AOX1: variants seen among roughly 807,000 people sequenced by gnomAD.
AOX1 encodes the protein aldehyde oxidase.
AOX1 carries 153 observed loss-of-function variants against 169.5 expected under a neutral mutation model. The observed-to-expected ratio is 0.90, with a 90% confidence interval of 0.79 to 1.03. AOX1 has a LOEUF of 1.03. AOX1 is among the 50% of genes least tolerant of loss of function. The pLI, the probability that AOX1 is intolerant of heterozygous loss-of-function variation, is 0.00. For missense variants in AOX1, 1,656 were observed against 1,663.9 expected, an observed-to-expected ratio of 1.00 and a Z score of 0.08; for synonymous variants, 562 against 581.9, an observed-to-expected ratio of 0.97 and a Z score of 0.49.
chr2:200,676,892 G>T, exon 5 of AOX1: 1 of 470,794 alleles, frequency 2.1e-6, no homozygotes, highest in South Asian at 1.5e-5. Context: ...CACATGGCAA[G>T]CCTGTCAGGC....
chr2:200,637,190 T>A (rs2035252837), intron 22 of AOX1, 146 bp downstream of exon 22: 1 of 997,352 alleles, frequency 1.0e-6, no homozygotes, highest in African/African-American at 1.6e-5. Context: ...CTTATTACAC[T>A]TACTTGTCTT....
At chr2:200,637,794 G>T (rs1367433593) in intron 22 of AOX1, among the ~76,000 whole-genome samples, 1 of 151,992 alleles carries the variant, frequency 6.6e-6, no homozygotes, top group Non-Finnish European at 1.5e-5. Flanking sequence ...GAGTAATATG[G>T]GTCAGTTCCT....
chr2:200,638,756 G>A (rs1559249909), intron 23 of AOX1, among the ~76,000 whole-genome samples: 1 of 152,054 alleles, frequency 6.6e-6, no homozygotes, highest in Non-Finnish European at 1.5e-5. Context: ...GAAATTCATA[G>A]AAAAAAATTT....
At chr2:200,668,428 C>G (rs963008404) in intron 32 of AOX1, among the ~76,000 whole-genome samples, 187 bp from the exon 33 acceptor site, 1 of 152,058 alleles carries the variant, frequency 6.6e-6, no homozygotes, top group Admixed American at 6.6e-5. Context: ...CTTCTTTTAA[C>G]TTAATGCTGA....
At chr2:200,682,203 T>A in the AOX1 span, among the ~76,000 whole-genome samples, 1 of 152,348 alleles carries the variant, frequency 6.6e-6, no homozygotes, top group South Asian at 2.1e-4. Context: ...AAACACTGCC[T>A]GCTGTTTTTA....
At position 200,598,238 on chromosome 2, in the gene AOX1, T is replaced by A. The variant is rs192466639; in HGVS notation, c.309+733T>A. Among the ~76,000 whole-genome samples the A allele has an allele frequency of 2.7e-3, 405 of 152,162 alleles. 2 individuals carry two copies. The highest frequency in any genetic ancestry group is 3.9e-3 in the Non-Finnish European group (263 of 67,986). Reference sequence around the variant, plus strand: ...AGGGATATAATTTTATTTTTTTTTATAAAGTGGAAAACAACATGATCTTAA... The same window carrying A: ...AGGGATATAATTTTATTTTTTTTTAAAAAGTGGAAAACAACATGATCTTAA... On this transcript the variant is annotated intron_variant, in intron 4 of 34. Transcript: ENST00000374700.
At chr2:200,656,968 G>C in intron 27 of AOX1, 31 bp downstream of exon 27, 1 of 1,431,496 alleles carries the variant, frequency 7.0e-7, no homozygotes, top group South Asian at 1.4e-5. Context: ...ATTGAGTTGG[G>C]TGTGTGCTTA....
At chr2:200,618,976 C>A (rs2034825656) in intron 16 of AOX1, among the ~76,000 whole-genome samples, 1 of 152,172 alleles carries the variant, frequency 6.6e-6, no homozygotes, top group Non-Finnish European at 1.5e-5. Context: ...AAACAGGAAA[C>A]CCTGCAGTGA....
At chr2:200,642,474 G>C in intron 24 of AOX1, 136 bp from the exon 25 acceptor site, 1 of 585,726 alleles carries the variant, frequency 1.7e-6, no homozygotes, top group South Asian at 2.6e-5. Flanking sequence ...TGTTTAATTG[G>C]GGGCATGGGA....
At chr2:200,623,101 A>G (rs938040798) in intron 18 of AOX1, among the ~76,000 whole-genome samples, 10 of 152,274 alleles carry the variant, frequency 6.6e-5, no homozygotes, top group African/African-American at 2.4e-4. Context: ...GTCAATTTTT[A>G]AAATGAGTGA....
intron 26 of AOX1, among the ~76,000 whole-genome samples, chr2:200,654,221 A>C (rs1408735893): frequency 1.4e-5 from 2 of 145,128 alleles, no homozygotes; most frequent in African/African-American, 5.6e-5. Flanking sequence ...AAAAAAAAAA[A>C]AAAAAAAAAA....
intron 16 of AOX1, among the ~76,000 whole-genome samples, chr2:200,620,414 G>T (rs1167155447): frequency 2.6e-5 from 4 of 151,640 alleles, no homozygotes; most frequent in African/African-American, 9.7e-5. Context: ...TTACTATGTT[G>T]GCCAGGCTGG....
downstream of AOX1, chr2:200,681,284 A>C (rs189818908): frequency 2.6e-5 from 4 of 152,548 alleles, no homozygotes; most frequent in Non-Finnish European, 5.9e-5. Flanking sequence ...AGTTGTACCA[A>C]TCAGAGGCCT....
At chr2:200,670,299 G>A (rs1048075668) in intron 34 of AOX1, among the ~76,000 whole-genome samples, 9 of 152,152 alleles carry the variant, frequency 5.9e-5, no homozygotes, top group African/African-American at 1.9e-4. Flanking sequence ...TTTGACTGAA[G>A]GGAAAGCCCC....
chr2:200,598,339 G>C (rs1397174439), intron 4 of AOX1, among the ~76,000 whole-genome samples: 1 of 152,136 alleles, frequency 6.6e-6, no homozygotes, highest in Non-Finnish European at 1.5e-5. Context: ...GATAGGAGTT[G>C]TCAATAAGTT....
chr2:200,606,343 A>C (rs551088396), intron 10 of AOX1, among the ~76,000 whole-genome samples: 2 of 152,270 alleles, frequency 1.3e-5, no homozygotes, highest in Admixed American at 6.5e-5. Context: ...ACTGGTCTAT[A>C]TATCTGTTTT....
chr2:200,615,752 G>A (rs2034742112), intron 15 of AOX1, among the ~76,000 whole-genome samples: 1 of 152,160 alleles, frequency 6.6e-6, no homozygotes, highest in African/African-American at 2.4e-5. Flanking sequence ...TATTCATCTG[G>A]CTATTCATAA....
intron 31 of AOX1, among the ~76,000 whole-genome samples, chr2:200,663,832 A>G (rs1041457150): frequency 1.3e-5 from 2 of 152,178 alleles, no homozygotes; most frequent in Non-Finnish European, 2.9e-5. Flanking sequence ...ATATTTACAA[A>G]TATCCTCTAT....
Position 200,599,707 on chromosome 2 carries a change from C to G in AOX1, c.397C>G (p.Pro133Ala). ...CATCTACACGCTGCTCAGGAACCACCCAGAGCCCACTCTGGATCAGTTAAC... is the reference window on the plus strand; with the variant it reads ...CATCTACACGCTGCTCAGGAACCACGCAGAGCCCACTCTGGATCAGTTAAC... ...MSIYTLLRNH[P>A]EPTLDQLTDA... Residue 133 changes from proline to alanine, a missense_variant, in exon 5 of 35, where the codon CCA (proline) becomes GCA (alanine). Transcript: ENST00000374700. The G allele has an allele frequency of 6.2e-7, 1 of 1,611,282 alleles. No homozygotes were observed. The highest frequency in any genetic ancestry group is 1.1e-5 in the South Asian group (1 of 90,802).
Sources: allele counts gnomAD v4.1 joint callset (sites outside exome capture counted in the v4.1 genomes callset), GRCh38; gene constraint gnomAD v4.1.1; transcripts MANE v1.5; gene names NCBI Gene and HGNC (gene_info 2026-07-23, HGNC 2026-07-21).